LUZP2: variants seen among roughly 807,000 people sequenced by gnomAD.
LUZP2 encodes the protein leucine zipper protein 2.
A neutral mutation model predicts 51.6 loss-of-function variants in LUZP2; 52 were observed. That is an observed-to-expected ratio of 1.01 (90% CI 0.81 to 1.27). LUZP2 has a LOEUF of 1.27. Among genes scored for constraint, LUZP2 ranks in the 50% most tolerant of loss-of-function variants. The pLI is 0.00. For missense variants in LUZP2, 436 were observed against 395.4 expected (o/e 1.10, Z -0.87); for synonymous variants, 154 against 137.3 (o/e 1.12, Z -0.85).
At chr11:24,868,570 T>C (rs894536380) in intron 5 of LUZP2, among the ~76,000 whole-genome samples, 2 of 152,166 alleles carry the variant, frequency 1.3e-5, no homozygotes, top group African/African-American at 4.8e-5. Context: ...TACAAACTTA[T>C]GAGGGCTAAG....
intron 1 of LUZP2, among the ~76,000 whole-genome samples, chr11:24,663,718 G>A (rs1165831449): frequency 6.6e-6 from 1 of 152,034 alleles, no homozygotes; most frequent in African/African-American, 2.4e-5. Flanking sequence ...ATGCATCCTG[G>A]GAGGGACCCA....
chr11:24,758,334 T>A (rs1043011783), intron 4 of LUZP2, among the ~76,000 whole-genome samples: 5 of 151,856 alleles, frequency 3.3e-5, no homozygotes, highest in Non-Finnish European at 7.4e-5. Context: ...CGTGTGTGTG[T>A]GTGTGTGTGT....
chr11:24,933,969 G>C (rs187349324), intron 7 of LUZP2, among the ~76,000 whole-genome samples: 23 of 152,138 alleles, frequency 1.5e-4, no homozygotes, highest in Admixed American at 1.3e-3. Flanking sequence ...GCAAGGGTTG[G>C]GGGGAGGATA....
intron 1 of LUZP2, among the ~76,000 whole-genome samples, chr11:24,624,341 A>C (rs975455378): frequency 6.6e-6 from 1 of 152,112 alleles, no homozygotes; most frequent in Non-Finnish European, 1.5e-5. Context: ...TTTTGTCCTC[A>C]GAACTCCTGT....
At chr11:25,014,281 A>C (rs372466754) in intron 9 of LUZP2, among the ~76,000 whole-genome samples, 1 of 152,138 alleles carries the variant, frequency 6.6e-6, no homozygotes, top group Non-Finnish European at 1.5e-5. Flanking sequence ...GGGATGGCTG[A>C]GTCAAATGCT....
rs188761402 is a variant in LUZP2, at chr11:24,545,270, C to A, written c.62+47965C>A. ...GATAGTTTCTTTTGCTGTGCAGAAG[C>A]TGTTTAATTAGACATCATTTGTCAA... On this transcript the variant is annotated intron_variant, in intron 1 of 11. Transcript: ENST00000336930. 2.6e-5 allele frequency among the ~76,000 whole-genome samples: 4 copies of A among 151,602 alleles called. No individual in the cohort carries two copies. In the East Asian group the frequency reaches 7.7e-4, roughly 29 times the overall value.
chr11:25,076,617 AGGAAGGAAGGGAGGAAGGGAAAAAGAG>A (rs1317932407), intron 10 of LUZP2, among the ~76,000 whole-genome samples: 1 of 137,162 alleles, frequency 7.3e-6, no homozygotes, highest in Admixed American at 7.3e-5. Context: ...GAAGGAATGA[AGGAAGGAAGGGAGGAAGGGAAAAAGAG>A]GGAAGGAAGG....
intron 1 of LUZP2, among the ~76,000 whole-genome samples, chr11:24,508,727 T>C (rs1509586): frequency 0.29 from 44,454 of 152,026 alleles, 6,679 homozygotes; most frequent in East Asian, 0.45. Flanking sequence ...AGCTAAAGGT[T>C]ACTGCTTGTT....
intron 9 of LUZP2, among the ~76,000 whole-genome samples, chr11:25,006,115 C>T (rs962676773): frequency 6.6e-6 from 1 of 152,024 alleles, no homozygotes; most frequent in African/African-American, 2.4e-5. Flanking sequence ...TATGATTGTG[C>T]TTTGGGCAAA....
chr11:24,628,311 T>C (rs1227321082), intron 1 of LUZP2, among the ~76,000 whole-genome samples: 1 of 152,112 alleles, frequency 6.6e-6, no homozygotes, highest in Non-Finnish European at 1.5e-5. Flanking sequence ...CATTATGCTG[T>C]TTTGCTTTGT....
intron 9 of LUZP2, among the ~76,000 whole-genome samples, chr11:25,008,445 T>C (rs944833346): frequency 1.1e-4 from 17 of 152,306 alleles, no homozygotes; most frequent in African/African-American, 3.6e-4. Context: ...CCAGCTTGTT[T>C]GTGTTACAGC....
intron 1 of LUZP2, among the ~76,000 whole-genome samples, chr11:24,571,070 C>T (rs9299982): frequency 0.99 from 151,211 of 152,200 alleles, 75,119 homozygotes; most frequent in East Asian, 1. Flanking sequence ...TACTATTCCA[C>T]AAAAATAATC....
chr11:24,498,761 T>A (rs12225775), intron 1 of LUZP2, among the ~76,000 whole-genome samples: 1 of 152,162 alleles, frequency 6.6e-6, no homozygotes, highest in Non-Finnish European at 1.5e-5. Flanking sequence ...TTCACTCTTA[T>A]GTTGTGATTT....
chr11:25,005,090 G>A (rs1427513080), intron 9 of LUZP2, among the ~76,000 whole-genome samples: 1 of 152,148 alleles, frequency 6.6e-6, no homozygotes, highest in East Asian at 1.9e-4. Flanking sequence ...AGGGAGAAGG[G>A]ACATGTACCC....
intron 5 of LUZP2, among the ~76,000 whole-genome samples, chr11:24,885,220 C>G (rs867004604): frequency 2.0e-5 from 3 of 152,154 alleles, no homozygotes; most frequent in Middle Eastern, 6.8e-3. Context: ...AGCCCTCAAC[C>G]TTCTTGGAAA....
At chr11:24,978,133 G>T (rs1855931571) in intron 8 of LUZP2, among the ~76,000 whole-genome samples, 1 of 151,510 alleles carries the variant, frequency 6.6e-6, no homozygotes. Flanking sequence ...AAATAGAGGG[G>T]AGCTTGCCCC....
At chr11:24,937,584 T>C (rs895825370) in intron 7 of LUZP2, among the ~76,000 whole-genome samples, 1 of 152,176 alleles carries the variant, frequency 6.6e-6, no homozygotes, top group Non-Finnish European at 1.5e-5. Context: ...TAAACAATTA[T>C]TGGTCTTAGT....
At chr11:25,039,277 TG>T (rs1045314262) in intron 9 of LUZP2, among the ~76,000 whole-genome samples, 11 of 152,022 alleles carry the variant, frequency 7.2e-5, no homozygotes, top group African/African-American at 1.2e-4. Context: ...TTGGGTACAC[TG>T]GGGGATGCAA....
At chr11:24,703,852 C>A (rs550867203) in intron 1 of LUZP2, among the ~76,000 whole-genome samples, 211 of 66,104 alleles carry the variant, frequency 3.2e-3, no homozygotes, top group African/African-American at 0.012. Context: ...AACAAACAAA[C>A]AAAAAAAACG....
Sources: allele counts gnomAD v4.1 joint callset (sites outside exome capture counted in the v4.1 genomes callset), GRCh38; gene constraint gnomAD v4.1.1; transcripts MANE v1.5; gene names NCBI Gene and HGNC (gene_info 2026-07-23, HGNC 2026-07-21).